Variants in LAMA1 observed in about 807,000 individuals in gnomAD.
The protein encoded by LAMA1 is laminin subunit alpha 1, also known as laminin subunit alpha-1.
Under a neutral mutation model 348.7 loss-of-function variants are expected in LAMA1, and 219 were observed. The observed-to-expected ratio is 0.63, with a 90% CI of 0.56 to 0.70. LAMA1 has a LOEUF of 0.70. Ranked by LOEUF, LAMA1 falls within the 30% of genes least tolerant of loss-of-function variation. The probability of loss-of-function intolerance (pLI) is 0.00; values close to 1 mark genes in which losing one functional copy is unlikely to be tolerated. For synonymous variants in LAMA1, 1,487 were observed against 1,491.0 expected, an observed-to-expected ratio of 1.00 and a Z score of 0.06; for missense variants, 3,744 against 3,888.0, an observed-to-expected ratio of 0.96 and a Z score of 0.99.
intron 3 of LAMA1, among the ~76,000 whole-genome samples, chr18:7,064,127 C>G (rs1316418589): frequency 6.6e-6 from 1 of 152,032 alleles, no homozygotes; most frequent in African/African-American, 2.4e-5. Context: ...CCTACTCTGA[C>G]AGCAGGATTG....
At position 7,010,134 on chromosome 18, in the gene LAMA1, C is replaced by A. The variant is rs149035539; in HGVS notation, c.3873+66G>T. 5.1e-5 allele frequency: 80 copies of A among 1,573,388 alleles called. No homozygotes were observed. In the East Asian group the frequency reaches 1.8e-3, roughly 35 times the overall value. On this transcript the variant is annotated intron_variant, in intron 26 of 62. Coordinates refer to ENST00000389658, the MANE Select transcript of LAMA1 (RefSeq NM_005559.4). ...TCATTCTCTTATTAATGGCTTTCATCTTTCACTACATCCATAGCAAAGTCA... is the reference window on the plus strand; with the variant it reads ...TCATTCTCTTATTAATGGCTTTCATATTTCACTACATCCATAGCAAAGTCA...
intron 1 of LAMA1, among the ~76,000 whole-genome samples, chr18:7,088,652 G>T (rs1039681930): frequency 2.6e-5 from 4 of 151,928 alleles, no homozygotes; most frequent in Non-Finnish European, 5.9e-5. Flanking sequence ...CGAGTACCTG[G>T]GGCTAGGGTG....
intron 47 of LAMA1, chr18:6,972,249 A>G: frequency 2.4e-6 from 1 of 423,450 alleles, no homozygotes; most frequent in South Asian, 2.1e-5. Flanking sequence ...ACGAGTGAGA[A>G]AACAGAGAGC....
chr18:6,961,306 G>A (rs189189249), intron 53 of LAMA1, among the ~76,000 whole-genome samples: 69 of 152,270 alleles, frequency 4.5e-4, no homozygotes, highest in African/African-American at 1.6e-3. Context: ...AGAAAACTCC[G>A]TATATGCTAT....
intron 37 of LAMA1, among the ~76,000 whole-genome samples, chr18:6,985,872 C>A (rs148066132): frequency 6.6e-6 from 1 of 152,204 alleles, no homozygotes; most frequent in African/African-American, 2.4e-5. Flanking sequence ...GATTCTGCTG[C>A]CTCAGCCTCC....
At chr18:7,051,006 C>T (rs1252994351) in intron 3 of LAMA1, 70 bp from the exon 4 acceptor site, 1 of 1,567,536 alleles carries the variant, frequency 6.4e-7, no homozygotes, top group Non-Finnish European at 8.7e-7. Flanking sequence ...AGAGCTACTG[C>T]ATGATCTAAC....
In LAMA1 at chr18:7,011,457, G is replaced by T; in HGVS notation, c.3530C>A (p.Pro1177His). The change falls in exon 25 of 63, where the codon CCT becomes CAT. Residue 1177 changes from proline (P) to histidine (H), a missense_variant. By Grantham distance (77) the Pro-to-His change is moderately conservative (BLOSUM62 -2). Coordinates refer to ENST00000389658, the MANE Select transcript of LAMA1 (RefSeq NM_005559.4). The part of the protein sequence containing the change: ...RTPVTLGSDQ[P>H]LLRVVSQSNL... The stretch of plus-strand genomic sequence containing the variant: ...ACTCTGAGAAACCACACGCAGAAGA[G>T]GCTGATCGGAGCCCAGCGTTACCTA... 1 of 1,607,096 alleles carries T rather than the reference G, an allele frequency of 6.2e-7. No individual in the cohort carries two copies.
Position 6,997,786 on chromosome 18 carries a change from A to G in LAMA1, c.4762T>C (p.Tyr1588His). 2 of 1,614,112 alleles carry G rather than the reference A, an allele frequency of 1.2e-6. No individual in the cohort carries two copies. The highest frequency in any genetic ancestry group is 2.2e-5 in the East Asian group (1 of 44,884). ...TTTTCCAGGTTTGACAAAATTCCATATGGGACAGGGATAATGCCAGTGAGG... is the reference window on the plus strand; with the variant it reads ...TTTTCCAGGTTTGACAAAATTCCATGTGGGACAGGGATAATGCCAGTGAGG... ...LNLTGIIPVP[Y>H]GILSNLENTT... is the part of the protein sequence containing the mutation. Residue 1588 changes from tyrosine to histidine, a missense_variant, in exon 33 of 63, where the codon TAT becomes CAT. Tyr to His is a moderately conservative substitution (Grantham distance 83). Around this residue, in one of 3 missense-constraint regions of LAMA1, gnomAD observed 1,983 missense variants for 1,934.3 expected, o/e 1.03. Coordinates refer to ENST00000389658, the MANE Select transcript of LAMA1 (RefSeq NM_005559.4).
chr18:6,999,329 G>A, intron 32 of LAMA1, 116 bp downstream of exon 32: 1 of 1,023,398 alleles, frequency 9.8e-7, no homozygotes, highest in Non-Finnish European at 1.5e-6. Flanking sequence ...ATAAGAAAAT[G>A]AAAATAAAAT....
At chr18:7,110,095 C>T (rs759863970) in intron 1 of LAMA1, among the ~76,000 whole-genome samples, 2 of 151,838 alleles carry the variant, frequency 1.3e-5, no homozygotes, top group Admixed American at 1.3e-4. Context: ...GCAGAAGAAT[C>T]GCTTGAACCC....
intron 52 of LAMA1, 27 bp downstream of exon 52, chr18:6,961,918 T>C (rs770696899): frequency 1.3e-6 from 2 of 1,588,348 alleles, no homozygotes; most frequent in African/African-American, 1.3e-5. Flanking sequence ...GGAAACTCAT[T>C]TGAACATTAA....
In LAMA1 at chr18:7,101,133, A is replaced by T. The variant is rs530313821; in HGVS notation, c.61+16527T>A. ...TTTCTGGGCACAAATGAAAATGATGACACTTTCTGCAGTCTTGGAAAGGTT... is the reference window on the plus strand; with the variant it reads ...TTTCTGGGCACAAATGAAAATGATGTCACTTTCTGCAGTCTTGGAAAGGTT... On this transcript the variant is annotated intron_variant, in intron 1 of 62. Coordinates refer to ENST00000389658, the MANE Select transcript of LAMA1 (RefSeq NM_005559.4). 5.3e-5 allele frequency among the ~76,000 whole-genome samples: 8 copies of T among 152,296 alleles called. No homozygotes were observed. The South Asian group carries it at 1.5e-3, about 28-fold the overall frequency.
chr18:6,982,102 G>A (rs1169095217), intron 41 of LAMA1, among the ~76,000 whole-genome samples: 1 of 152,114 alleles, frequency 6.6e-6, no homozygotes, highest in East Asian at 1.9e-4. Flanking sequence ...TTAGTTCCAT[G>A]AGAAAGGTAA....
intron 36 of LAMA1, among the ~76,000 whole-genome samples, chr18:6,991,648 C>T (rs1451305890): frequency 6.6e-6 from 1 of 152,022 alleles, no homozygotes; most frequent in Non-Finnish European, 1.5e-5. Context: ...CCTCAGCCTC[C>T]CAAAGTGCTG....
intron 40 of LAMA1, 52 bp downstream of exon 40, chr18:6,983,047 T>C (rs1600371087): frequency 6.2e-7 from 1 of 1,613,408 alleles, no homozygotes; most frequent in South Asian, 1.1e-5. Flanking sequence ...TCAAACCCGG[T>C]ACAGAAAAAT....
At chr18:7,065,485 C>T (rs562888562) in intron 3 of LAMA1, among the ~76,000 whole-genome samples, 53 of 152,044 alleles carry the variant, frequency 3.5e-4, no homozygotes, top group Non-Finnish European at 5.1e-4. Context: ...TTTGGGAGGC[C>T]AAGGTAGGTG....
intron 61 of LAMA1, among the ~76,000 whole-genome samples, chr18:6,945,556 A>C (rs2057517934): frequency 6.6e-6 from 1 of 152,176 alleles, no homozygotes; most frequent in Non-Finnish European, 1.5e-5. Context: ...CCACAACAAC[A>C]AACATTGACC....
chr18:7,078,064 C>CAAA (rs1293065808), intron 3 of LAMA1, among the ~76,000 whole-genome samples: 35 of 54,774 alleles, frequency 6.4e-4, no homozygotes, highest in African/African-American at 1.9e-3. Flanking sequence ...AACTCCGTCT[C>CAAA]AAAAAAAAAA....
chr18:7,106,088 A>T (rs2143827889), intron 1 of LAMA1, among the ~76,000 whole-genome samples: 1 of 152,306 alleles, frequency 6.6e-6, no homozygotes, highest in South Asian at 2.1e-4. Flanking sequence ...TCCCCACTTC[A>T]CAGAGCTGTG....
Sources: gnomAD v4.1 joint callset for allele counts (sites outside exome capture counted in the v4.1 genomes callset) on GRCh38, gnomAD v4.1.1 for gene constraint, gnomAD v4.1.1 regional missense constraint, MANE v1.5 for transcripts, NCBI Gene and HGNC (gene_info 2026-07-23, HGNC 2026-07-21) for gene names.